Variants in ZNF475 observed in about 807,000 individuals in gnomAD.
ZNF475 encodes the protein zinc finger protein 475.
At chr5:122,163,017 G>A in the ZNF475 span, 11 of 152,288 alleles carry the variant, frequency 7.2e-5, no homozygotes, top group Admixed American at 1.3e-4. Flanking sequence ...GATCATAGAT[G>A]CACAGTTAAA....
the ZNF475 span, among the ~76,000 whole-genome samples, chr5:122,168,819 A>C: frequency 3.3e-5 from 5 of 152,214 alleles, no homozygotes; most frequent in African/African-American, 1.2e-4. Flanking sequence ...CACAATCCCC[A>C]AAATTGCCCT....
At chr5:122,177,138 G>A in the ZNF475 span, among the ~76,000 whole-genome samples, 1 of 152,154 alleles carries the variant, frequency 6.6e-6, no homozygotes, top group Admixed American at 6.5e-5. Context: ...GGGGACTTCT[G>A]GAAGACTATA....
the ZNF475 span, among the ~76,000 whole-genome samples, chr5:122,176,041 A>G: frequency 6.6e-6 from 1 of 152,148 alleles, no homozygotes. Context: ...ACTCCATCTA[A>G]TAGCCTTTAC....
At chr5:122,171,954 A>G in the ZNF475 span, among the ~76,000 whole-genome samples, 3 of 152,138 alleles carry the variant, frequency 2.0e-5, no homozygotes, top group Non-Finnish European at 4.4e-5. Flanking sequence ...GCTCAGGCTC[A>G]GGCTGGTCTC....
chr5:122,174,619 A>G, the ZNF475 span, among the ~76,000 whole-genome samples: 2 of 152,114 alleles, frequency 1.3e-5, no homozygotes, highest in East Asian at 3.9e-4. Context: ...TCCCACATCC[A>G]TTTCAGTTGT....
At chr5:122,171,776 G>T in the ZNF475 span, among the ~76,000 whole-genome samples, 1,076 of 151,024 alleles carry the variant, frequency 7.1e-3, 7 homozygotes, top group Non-Finnish European at 8.6e-3. Context: ...TCTCACACTG[G>T]TGCTCACAGT....
the ZNF475 span, among the ~76,000 whole-genome samples, chr5:122,177,306 G>A: frequency 1.3e-5 from 2 of 152,184 alleles, no homozygotes; most frequent in African/African-American, 4.8e-5. Context: ...CCCAATGTGG[G>A]CGGGCATAAT....
the ZNF475 span, among the ~76,000 whole-genome samples, chr5:122,168,824 T>C: frequency 7.2e-5 from 11 of 152,308 alleles, no homozygotes; most frequent in Admixed American, 6.5e-4. Context: ...TCCCCAAAAT[T>C]GCCCTCTCTC....
the ZNF475 span, among the ~76,000 whole-genome samples, chr5:122,164,529 G>T: frequency 6.6e-6 from 1 of 152,274 alleles, no homozygotes; most frequent in East Asian, 1.9e-4. Context: ...CCACATGTTT[G>T]TGTGATAGCT....
chr5:122,164,367 C>G, the ZNF475 span, among the ~76,000 whole-genome samples: 35 of 152,262 alleles, frequency 2.3e-4, no homozygotes, highest in African/African-American at 8.2e-4. Flanking sequence ...TAAAACATGC[C>G]TGTTGGTTGA....
At chr5:122,181,262 C>A in the ZNF475 span, among the ~76,000 whole-genome samples, 1 of 152,144 alleles carries the variant, frequency 6.6e-6, no homozygotes, top group Admixed American at 6.5e-5. Context: ...GTTCAAATAA[C>A]CCCTCTTCCT....
At chr5:122,176,207 T>C in the ZNF475 span, among the ~76,000 whole-genome samples, 1 of 152,212 alleles carries the variant, frequency 6.6e-6, no homozygotes, top group Admixed American at 6.5e-5. Flanking sequence ...ATTTCCCTTG[T>C]CCAATATCCC....
chr5:122,176,065 A>C, the ZNF475 span, among the ~76,000 whole-genome samples: 3 of 151,794 alleles, frequency 2.0e-5, no homozygotes, highest in Non-Finnish European at 4.4e-5. Flanking sequence ...GCCCCTCATC[A>C]CTCTTTGCAG....
chr5:122,166,689 C>G, the ZNF475 span, among the ~76,000 whole-genome samples: 1 of 152,196 alleles, frequency 6.6e-6, no homozygotes, highest in Non-Finnish European at 1.5e-5. Flanking sequence ...TATGGCTGCA[C>G]AGTATTCCAT....
the ZNF475 span, among the ~76,000 whole-genome samples, chr5:122,173,933 A>T: frequency 6.6e-6 from 1 of 152,202 alleles, no homozygotes; most frequent in Non-Finnish European, 1.5e-5. Flanking sequence ...AAAACTGTTG[A>T]TCTAATTCTT....
At chr5:122,176,191 G>T in the ZNF475 span, among the ~76,000 whole-genome samples, 2 of 151,972 alleles carry the variant, frequency 1.3e-5, no homozygotes, top group African/African-American at 4.8e-5. Flanking sequence ...GTGTTTTCTG[G>T]CTATAATTTC....
At chr5:122,164,161 C>T in the ZNF475 span, among the ~76,000 whole-genome samples, 2 of 151,962 alleles carry the variant, frequency 1.3e-5, no homozygotes, top group African/African-American at 4.8e-5. Flanking sequence ...AAGGAAAATA[C>T]CTTTTATTGG....
chr5:122,162,187 A>T, the ZNF475 span: 1 of 152,230 alleles, frequency 6.6e-6, no homozygotes, highest in East Asian at 1.9e-4. Flanking sequence ...TTTAATAAAA[A>T]CAACATTTCC....
chr5:122,171,468 G>C, the ZNF475 span, among the ~76,000 whole-genome samples: 1 of 152,074 alleles, frequency 6.6e-6, no homozygotes, highest in African/African-American at 2.4e-5. Context: ...TAAATTACTT[G>C]CATTTGACAA....
Sources: gnomAD v4.1 joint callset for allele counts (sites outside exome capture counted in the v4.1 genomes callset) on GRCh38, gnomAD v4.1.1 for gene constraint, MANE v1.5 for transcripts, NCBI Gene and HGNC (gene_info 2026-07-23, HGNC 2026-07-21) for gene names.